Variants in CCNY observed in about 807,000 individuals in gnomAD.
CCNY encodes the protein cyclin-Y.
CCNY carries 19 observed loss-of-function variants against 42.8 expected under a neutral mutation model. The ratio of observed to expected loss-of-function variants is 0.44; its 90% CI spans 0.31 to 0.65. The LOEUF is 0.65. Ranked by LOEUF, CCNY falls within the 30% of genes least tolerant of loss-of-function variation. The probability of loss-of-function intolerance (pLI) is 0.07; values close to 1 mark genes in which losing one functional copy is unlikely to be tolerated. For missense variants in CCNY, 370 were observed against 437.3 expected, an observed-to-expected ratio of 0.85 and a Z score of 1.37; for synonymous variants, 165 against 162.7, an observed-to-expected ratio of 1.01 and a Z score of -0.11.
chr10:35,273,337 G>A (rs560675699), intron 3 of CCNY, among the ~76,000 whole-genome samples: 1 of 152,146 alleles, frequency 6.6e-6, no homozygotes, highest in East Asian at 1.9e-4. Flanking sequence ...GAGTAGCTGG[G>A]ATTACAGGCG....
chr10:35,347,045 A>G (rs940306413), intron 1 of CCNY, among the ~76,000 whole-genome samples: 1 of 152,244 alleles, frequency 6.6e-6, no homozygotes, highest in Admixed American at 6.5e-5. Flanking sequence ...GTTTTGGGCC[A>G]TGGTAACAAC....
chr10:35,550,279 C>T (rs1004208084), intron 7 of CCNY, among the ~76,000 whole-genome samples: 2 of 151,752 alleles, frequency 1.3e-5, no homozygotes, highest in African/African-American at 4.8e-5. Flanking sequence ...AGTCCGTGAC[C>T]CTACAGTGCT....
At chr10:35,450,791 A>G (rs906312600) in intron 1 of CCNY, among the ~76,000 whole-genome samples, 3 of 151,720 alleles carry the variant, frequency 2.0e-5, no homozygotes, top group Non-Finnish European at 4.4e-5. Flanking sequence ...TATTTTTGAC[A>G]TAATTTTTTC....
chr10:35,250,281 C>G (rs1302055312), intron 2 of CCNY, among the ~76,000 whole-genome samples: 1 of 151,750 alleles, frequency 6.6e-6, no homozygotes, highest in Non-Finnish European at 1.5e-5. Context: ...AGGAGAATCA[C>G]TTGAACCTGG....
intron 1 of CCNY, among the ~76,000 whole-genome samples, chr10:35,459,420 C>T (rs1368017337): frequency 6.6e-6 from 1 of 152,166 alleles, no homozygotes; most frequent in East Asian, 1.9e-4. Flanking sequence ...TTTTGCTCAT[C>T]AACTATTGTT....
intron 8 of CCNY, among the ~76,000 whole-genome samples, chr10:35,553,546 G>A (rs957639074): frequency 2.9e-4 from 44 of 152,280 alleles, no homozygotes; most frequent in African/African-American, 1.0e-3. Flanking sequence ...TCACAGAGAG[G>A]TAATGCCGCC....
intron 3 of CCNY, chr10:35,314,997 C>T (rs1835737579): frequency 1.3e-5 from 2 of 152,198 alleles, no homozygotes; most frequent in African/African-American, 4.8e-5. Context: ...AGGGGAATAG[C>T]TTGAACCTGG....
chr10:35,274,854 AC>A (rs1424939551), intron 3 of CCNY, among the ~76,000 whole-genome samples: 25 of 152,124 alleles, frequency 1.6e-4, no homozygotes, highest in African/African-American at 6.0e-4. Context: ...AAGCTGCCAC[AC>A]GGGCACAGCA....
intron 3 of CCNY, among the ~76,000 whole-genome samples, chr10:35,306,488 G>C (rs1025159110): frequency 1.3e-5 from 2 of 152,176 alleles, no homozygotes; most frequent in Non-Finnish European, 2.9e-5. Flanking sequence ...GTCCATTCCA[G>C]CTTCTCCGAA....
intron 3 of CCNY, among the ~76,000 whole-genome samples, chr10:35,296,524 T>C (rs1453885266): frequency 6.6e-6 from 1 of 151,970 alleles, no homozygotes. Flanking sequence ...GAGGTTGCAG[T>C]GAGCCAAGAT....
intron 1 of CCNY, among the ~76,000 whole-genome samples, chr10:35,355,678 CAAA>C (rs60257114): frequency 4.0e-3 from 229 of 57,388 alleles, no homozygotes; most frequent in African/African-American, 0.017. Context: ...ATACTGTCTC[CAAA>C]AAAAAAAAAA....
intron 1 of CCNY, among the ~76,000 whole-genome samples, chr10:35,475,019 A>G (rs948502372): frequency 6.6e-6 from 1 of 152,216 alleles, no homozygotes; most frequent in African/African-American, 2.4e-5. Flanking sequence ...TCAGGAGCTG[A>G]TGCGATCAAC....
rs1415573823 is a variant in CCNY at position 35,413,926 on chromosome 10, A to T, written c.155-69478A>T. 1.1e-4 allele frequency among the ~76,000 whole-genome samples: 17 copies of T among 152,338 alleles called. No individual in the cohort carries two copies. In the East Asian group the frequency reaches 3.3e-3, roughly 29 times the overall value. Reference sequence around the variant, plus strand: ...GGGCACGTCGCTTTTGCCCCACTTCACAAAGGGAGGAGAAGCAGAGCCACT... The same window carrying T: ...GGGCACGTCGCTTTTGCCCCACTTCTCAAAGGGAGGAGAAGCAGAGCCACT... On this transcript the variant is annotated intron_variant, in intron 1 of 9. Transcript: ENST00000374704.
At chr10:35,523,920 A>G (rs748838879) in intron 4 of CCNY, among the ~76,000 whole-genome samples, 1 of 152,338 alleles carries the variant, frequency 6.6e-6, no homozygotes, top group South Asian at 2.1e-4. Context: ...TGATATTTCT[A>G]CTGCTGTATG....
chr10:35,311,683 C>A (rs911504457), intron 3 of CCNY, among the ~76,000 whole-genome samples: 1 of 139,550 alleles, frequency 7.2e-6, no homozygotes, highest in African/African-American at 2.7e-5. Context: ...GTCCCCCCCA[C>A]CCCCCCAAAA....
intron 2 of CCNY, among the ~76,000 whole-genome samples, chr10:35,490,015 A>G (rs893820066): frequency 2.0e-5 from 3 of 152,172 alleles, no homozygotes; most frequent in African/African-American, 7.2e-5. Context: ...CGCATTCTGC[A>G]TGTCCCTCTG....
chr10:35,308,407 C>A (rs1202659318), intron 3 of CCNY, among the ~76,000 whole-genome samples: 2 of 152,020 alleles, frequency 1.3e-5, no homozygotes, highest in Admixed American at 1.3e-4. Context: ...TAAAAAACAG[C>A]TGGGCATGGT....
intron 1 of CCNY, among the ~76,000 whole-genome samples, chr10:35,349,729 G>A (rs375764795): frequency 1.3e-5 from 2 of 152,062 alleles, no homozygotes; most frequent in African/African-American, 2.4e-5. Context: ...GATGTTTAGC[G>A]GCCTCCCACC....
At position 35,383,474 on chromosome 10, in the gene CCNY, A is replaced by C. The variant is rs543420280; in HGVS notation, c.154+46267A>C. Among the ~76,000 whole-genome samples the C allele has an allele frequency of 2.6e-5, 4 of 152,042 alleles. No individual in the cohort carries two copies. The East Asian group carries it at 7.7e-4, about 29-fold the overall frequency. On this transcript the variant is annotated intron_variant, in intron 1 of 9. Transcript: ENST00000374704. ...AGGCATCCGCCACCACGCTCAGCTA[A>C]TTTTTGTATTTTCAGTAGAGACAGA...
Sources: allele counts gnomAD v4.1 joint callset (sites outside exome capture counted in the v4.1 genomes callset), GRCh38; gene constraint gnomAD v4.1.1; transcripts MANE v1.5; gene names NCBI Gene and HGNC (gene_info 2026-07-23, HGNC 2026-07-21).